The following GABBR1 variants were observed in gnomAD, a reference collection of about 807,000 sequenced individuals.
The protein encoded by GABBR1 is GABA-B receptor, R1 subunit.
GABBR1 carries 35 observed loss-of-function variants against 117.7 expected under a neutral mutation model. The observed-to-expected ratio is 0.30, with a 90% CI of 0.23 to 0.39. The LOEUF (loss-of-function observed/expected upper bound fraction) is 0.39. GABBR1 is among the 10% of genes least tolerant of loss of function. The probability of loss-of-function intolerance (pLI) is 1.00; values close to 1 mark genes in which losing one functional copy is unlikely to be tolerated. For missense variants in GABBR1, 709 were observed against 1,241.8 expected, an observed-to-expected ratio of 0.57 and a Z score of 6.45; for synonymous variants, 442 against 486.6, an observed-to-expected ratio of 0.91 and a Z score of 1.21.
rs1764847937 is a variant in GABBR1, at chr6:29,630,536, G to A, written c.397C>T (p.Pro133Ser). ...GAGCTGCCCACCAGATGGAAGTCGGGGTCACACCGGAAATCCACCCGGGCT... is the reference window on the plus strand; with the variant it reads ...GAGCTGCCCACCAGATGGAAGTCGGAGTCACACCGGAAATCCACCCGGGCT... ...DGARVDFRCDPDFHLVGSSRS... is the reference protein window; with the variant it reads ...DGARVDFRCDSDFHLVGSSRS... Residue 133 changes from proline to serine, a missense_variant, in exon 4 of 23, where the codon CCC becomes TCC. Pro to Ser is a moderately conservative substitution (Grantham distance 74, BLOSUM62 -1). This residue lies in a region of GABBR1 where 101 missense variants were observed against 132.3 expected (regional missense o/e 0.76). Transcript: ENST00000377034. This position sits in a 1 kb window ranked among gnomAD's most constrained non-coding sequence, Gnocchi z 4.9. 3 of 1,613,078 alleles carry A rather than the reference G, an allele frequency of 1.9e-6. No homozygotes were observed. The highest frequency in any genetic ancestry group is 2.5e-6 in the Non-Finnish European group (3 of 1,180,026).
At position 29,621,123 on chromosome 6, in the gene GABBR1, T is replaced by C; in HGVS notation, c.1301A>G (p.Asn434Ser). ...CACCATGTTGGAAATGCTGCGGGTA[T>C]TGGCAGGATTCAGCATGACAATCTC... Reference protein sequence around the residue: ...TTEIVMLNPANTRSISNMTSQ... With the variant: ...TTEIVMLNPASTRSISNMTSQ... Residue 434 changes from asparagine to serine, a missense_variant, in exon 11 of 23, where the codon AAT becomes AGT. Physicochemically the swap from Asn to Ser is conservative, Grantham distance 46 (BLOSUM62 1). This residue lies in a region of GABBR1 where 192 missense variants were observed against 418.4 expected (regional missense o/e 0.46). Coordinates refer to ENST00000377034, the MANE Select transcript of GABBR1 (RefSeq NM_001470.4). The surrounding 1 kb of genome is among the most constrained non-coding windows in gnomAD (Gnocchi z 5.0). 6.2e-7 allele frequency: 1 copy of C among 1,612,900 alleles called. No individual in the cohort carries two copies. Among genetic ancestry groups the C allele is most frequent in the Non-Finnish European group, 8.5e-7 (1 of 1,179,976 alleles).
rs1761857649 is a variant in GABBR1, at chr6:29,605,549, G to A, written c.2439+20C>T. ...GCTGTGGTCAGCCTACAGGGTCAAT[G>A]CCATGGGGTCAGTGCTCACTGCCAC... On this transcript the variant is annotated intron_variant, in intron 20 of 22. Transcript: ENST00000377034. This position sits in a 1 kb window ranked among gnomAD's most constrained non-coding sequence, Gnocchi z 4.2. 6.2e-7 allele frequency: 1 copy of A among 1,612,550 alleles called. No homozygotes were observed.
intron 14 of GABBR1, among the ~76,000 whole-genome samples, chr6:29,610,580 A>G (rs1762436806): frequency 6.6e-6 from 1 of 152,150 alleles, no homozygotes; most frequent in Non-Finnish European, 1.5e-5. Flanking sequence ...CTGGGCTTGA[A>G]GTAGCTGGTT....
rs748607311 is a variant in GABBR1, at chr6:29,609,463, G to A, written c.1709-84C>T. ...AATGAAGACGGGATAGGAGAAAAGGGCAAAGAACTAGATTGCTGATGGACA... is the reference window on the plus strand; with the variant it reads ...AATGAAGACGGGATAGGAGAAAAGGACAAAGAACTAGATTGCTGATGGACA... On this transcript the variant is annotated intron_variant, in intron 14 of 22. Coordinates refer to ENST00000377034, the MANE Select transcript of GABBR1 (RefSeq NM_001470.4). The surrounding 1 kb of genome is among the most constrained non-coding windows in gnomAD (Gnocchi z 4.3). 2.5e-6 allele frequency: 3 copies of A among 1,205,400 alleles called. No individual in the cohort carries two copies. The highest frequency in any genetic ancestry group is 2.6e-5 in the South Asian group (2 of 77,416). 74.7% of individuals were successfully genotyped at this position (1,205,400 alleles called of 1,614,324 possible). A position where few individuals can be genotyped will look rare whatever the true frequency, so the allele number is the denominator to read the frequency against.
Position 29,606,811 on chromosome 6 carries a change from C to A in GABBR1, c.2217+86G>T. ...GGCACTCTCTCCAAGTAGCTTCATC[C>A]CTCAAGACACACACAGCCCCAGGGC... is the stretch of plus-strand genomic sequence containing the variant. On this transcript the variant is annotated intron_variant, in intron 18 of 22. Coordinates refer to ENST00000377034, the MANE Select transcript of GABBR1 (RefSeq NM_001470.4). The surrounding 1 kb of genome is among the most constrained non-coding windows in gnomAD (Gnocchi z 4.5). The A allele has an allele frequency of 1.8e-6, 2 of 1,112,148 alleles. No individual in the cohort carries two copies. The highest frequency in any genetic ancestry group is 1.9e-5 in the Admixed American group (1 of 51,334). The allele number at this position is 1,112,148 out of a possible 1,614,324, so 68.9% of individuals were successfully genotyped here.
In GABBR1 at chr6:29,621,216, A is replaced by G; in HGVS notation, c.1208T>C (p.Ile403Thr). The change falls in exon 11 of 23, where the codon ATC becomes ACC. Residue 403 changes from isoleucine (I) to threonine (T), a missense_variant. Transcript: ENST00000377034. The surrounding 1 kb of genome is among the most constrained non-coding windows in gnomAD (Gnocchi z 5.0). ...IGWYADNWFK[I>T]YDPSINCTVD... Reference sequence around the variant, plus strand: ...TGTGCAGTTGATAGAAGGGTCGTAGATCTTGAACCAATTGTCAGCATACCA... The same window carrying G: ...TGTGCAGTTGATAGAAGGGTCGTAGGTCTTGAACCAATTGTCAGCATACCA... The G allele has an allele frequency of 6.2e-7, 1 of 1,613,054 alleles. No individual in the cohort carries two copies. The highest frequency in any genetic ancestry group is 1.3e-5 in the African/African-American group (1 of 75,042).
Position 29,623,067 on chromosome 6 carries a change from G to A in GABBR1, c.963+238C>T, listed in dbSNP as rs1190734471. 6.6e-6 allele frequency among the ~76,000 whole-genome samples: 1 copy of A among 152,008 alleles called. No homozygotes were observed. The highest frequency in any genetic ancestry group is 6.6e-5 in the Admixed American group (1 of 15,262). ...GAGTCATTCTGGGTCTATATGTCTG[G>A]GGAACAGGGCATCAAACAGGGGAAA... On this transcript the variant is annotated intron_variant, in intron 8 of 22. Coordinates refer to ENST00000377034, the MANE Select transcript of GABBR1 (RefSeq NM_001470.4). The surrounding 1 kb of genome is among the most constrained non-coding windows in gnomAD (Gnocchi z 6.2).
Position 29,611,084 on chromosome 6 carries a change from G to A in GABBR1, c.1631-83C>T. ...ATTTTCAACTTCCCACTTCCCTAGA[G>A]CTTTGCATGGTTGTATCTGATTTTA... is the stretch of plus-strand genomic sequence containing the variant. On this transcript the variant is annotated intron_variant, in intron 13 of 22. Coordinates refer to ENST00000377034, the MANE Select transcript of GABBR1 (RefSeq NM_001470.4). The surrounding 1 kb of genome is among the most constrained non-coding windows in gnomAD (Gnocchi z 4.6). 1.2e-5 allele frequency: 13 copies of A among 1,064,770 alleles called. No homozygotes were observed. Among genetic ancestry groups the A allele is most frequent in the Non-Finnish European group, 1.9e-5 (13 of 688,128 alleles). 66.0% of individuals were successfully genotyped at this position (1,064,770 alleles called of 1,614,324 possible).
rs1764945348 is a variant in GABBR1, at chr6:29,631,383, C to T, written c.289+13G>A. On this transcript the variant is annotated intron_variant, in intron 3 of 22. Transcript: ENST00000377034. This position sits in a 1 kb window ranked among gnomAD's most constrained non-coding sequence, Gnocchi z 5.9. Reference sequence around the variant, plus strand: ...TAGTCTTGAAGAGGGGAGGGGCTTCCGAGGCTACTCACCACAGCGGCTGGG... The same window carrying T: ...TAGTCTTGAAGAGGGGAGGGGCTTCTGAGGCTACTCACCACAGCGGCTGGG... The T allele has an allele frequency of 1.2e-6, 2 of 1,612,910 alleles. No individual in the cohort carries two copies. The highest frequency in any genetic ancestry group is 1.7e-6 in the Non-Finnish European group (2 of 1,179,260).
At position 29,630,438 on chromosome 6, in the gene GABBR1, C is replaced by A; in HGVS notation, c.475+20G>T. Reference sequence around the variant, plus strand: ...CACAAGCGTCCTCATCAGCTGCATGCAGGCAGCTGTTCCCCTCACCCTGGC... The same window carrying A: ...CACAAGCGTCCTCATCAGCTGCATGAAGGCAGCTGTTCCCCTCACCCTGGC... On this transcript the variant is annotated intron_variant, in intron 4 of 22. Transcript: ENST00000377034. This position sits in a 1 kb window ranked among gnomAD's most constrained non-coding sequence, Gnocchi z 4.9. 1 of 1,601,686 alleles carries A rather than the reference C, an allele frequency of 6.2e-7. No individual in the cohort carries two copies. The highest frequency in any genetic ancestry group is 8.5e-7 in the Non-Finnish European group (1 of 1,170,690).
Position 29,602,721 on chromosome 6 carries a change from A to G in GABBR1, c.*822T>C, listed in dbSNP as rs1213725645. On this transcript the variant is annotated 3_prime_UTR_variant, in exon 23 of 23. Coordinates refer to ENST00000377034, the MANE Select transcript of GABBR1 (RefSeq NM_001470.4). The stretch of plus-strand genomic sequence containing the variant: ...GGGTACACAGGGAAAGTACATGGAT[A>G]AACATGGACGTGTGCAAATAGGAAA... 11 of 336,410 alleles carry G rather than the reference A, an allele frequency of 3.3e-5. No homozygotes were observed. The highest frequency in any genetic ancestry group is 5.2e-5 in the Non-Finnish European group (9 of 173,092). 20.8% of individuals were successfully genotyped at this position (336,410 alleles called of 1,614,324 possible). A position where few individuals can be genotyped will look rare whatever the true frequency, so the allele number is the denominator to read the frequency against.
Position 29,630,181 on chromosome 6 carries a change from T to C in GABBR1, c.475+277A>G. 2.5e-6 allele frequency: 1 copy of C among 406,136 alleles called. No homozygotes were observed. The highest frequency in any genetic ancestry group is 4.4e-6 in the Non-Finnish European group (1 of 227,704). 25.2% of individuals were successfully genotyped at this position (406,136 alleles called of 1,614,324 possible). On this transcript the variant is annotated intron_variant, in intron 4 of 22. Coordinates refer to ENST00000377034, the MANE Select transcript of GABBR1 (RefSeq NM_001470.4). This position sits in a 1 kb window ranked among gnomAD's most constrained non-coding sequence, Gnocchi z 4.9. ...AAGAAGGTGAGAGAGGTGAGATTCATAAAGGAAAAGAGAAAACGTGAGGTC... is the reference window on the plus strand; with the variant it reads ...AAGAAGGTGAGAGAGGTGAGATTCACAAAGGAAAAGAGAAAACGTGAGGTC...
In GABBR1 at chr6:29,607,280, G is replaced by T; in HGVS notation, c.1993-62C>A. Reference sequence around the variant, plus strand: ...GAGTAGTAGCCGGGACTGCAGTAAGGATGGGCAGAACCCTAAGGGAGAGTG... The same window carrying T: ...GAGTAGTAGCCGGGACTGCAGTAAGTATGGGCAGAACCCTAAGGGAGAGTG... On this transcript the variant is annotated intron_variant, in intron 16 of 22. Coordinates refer to ENST00000377034, the MANE Select transcript of GABBR1 (RefSeq NM_001470.4). This position sits in a 1 kb window ranked among gnomAD's most constrained non-coding sequence, Gnocchi z 5.0. 7.5e-7 allele frequency: 1 copy of T among 1,328,582 alleles called. No individual in the cohort carries two copies. Among genetic ancestry groups the T allele is most frequent in the Non-Finnish European group, 1.1e-6 (1 of 925,064 alleles). 82.3% of individuals were successfully genotyped at this position (1,328,582 alleles called of 1,614,324 possible). A position where few individuals can be genotyped will look rare whatever the true frequency, so the allele number is the denominator to read the frequency against.
chr6:29,605,959 G>C lies in GABBR1; in HGVS notation c.2312-263C>G. 1 of 566,462 alleles carries C rather than the reference G, an allele frequency of 1.8e-6. No homozygotes were observed. The highest frequency in any genetic ancestry group is 2.9e-5 in the East Asian group (1 of 34,212). 35.1% of individuals were successfully genotyped at this position (566,462 alleles called of 1,614,324 possible). A position where few individuals can be genotyped will look rare whatever the true frequency, so the allele number is the denominator to read the frequency against. On this transcript the variant is annotated intron_variant, in intron 19 of 22. Coordinates refer to ENST00000377034, the MANE Select transcript of GABBR1 (RefSeq NM_001470.4). The surrounding 1 kb of genome is among the most constrained non-coding windows in gnomAD (Gnocchi z 4.2). ...GCTGTCAGTCAGGCAAGGGCTTGTT[G>C]AATATCTAGAAATAGGCCAGTCTGG...
At position 29,606,386 on chromosome 6, in the gene GABBR1, C is replaced by T; in HGVS notation, c.2311+5G>A. ...CCTGCCCTCCTTTGCCCACATCCCA[C>T]ACACCAAGCCATGTATTCATCTTCC... On this transcript the variant is annotated splice_donor_5th_base_variant and intron_variant, in intron 19 of 22. Coordinates refer to ENST00000377034, the MANE Select transcript of GABBR1 (RefSeq NM_001470.4). This position sits in a 1 kb window ranked among gnomAD's most constrained non-coding sequence, Gnocchi z 4.5. 1 of 1,609,096 alleles carries T rather than the reference C, an allele frequency of 6.2e-7. No individual in the cohort carries two copies. Among genetic ancestry groups the T allele is most frequent in the Non-Finnish European group, 8.5e-7 (1 of 1,176,240 alleles).
In GABBR1 at chr6:29,627,878, G is replaced by A. The variant is rs1764487403; in HGVS notation, c.497-232C>T. ...GGGGAGGGCTGCTAAGAGGGTGCCGGGGAGGCGCCTCCATCCCTGATTTTG... is the reference window on the plus strand; with the variant it reads ...GGGGAGGGCTGCTAAGAGGGTGCCGAGGAGGCGCCTCCATCCCTGATTTTG... On this transcript the variant is annotated intron_variant, in intron 5 of 22. Coordinates refer to ENST00000377034, the MANE Select transcript of GABBR1 (RefSeq NM_001470.4). The surrounding 1 kb of genome is among the most constrained non-coding windows in gnomAD (Gnocchi z 4.4). 1.5e-6 allele frequency: 2 copies of A among 1,366,702 alleles called. No homozygotes were observed. 84.7% of individuals were successfully genotyped at this position (1,366,702 alleles called of 1,614,324 possible). A position where few individuals can be genotyped will look rare whatever the true frequency, so the allele number is the denominator to read the frequency against.
Position 29,620,970 on chromosome 6 carries a change from G to A in GABBR1, c.1323+131C>T. The A allele has an allele frequency of 2.9e-6, 2 of 681,742 alleles. No individual in the cohort carries two copies. The highest frequency in any genetic ancestry group is 4.9e-6 in the Non-Finnish European group (2 of 410,634). 42.2% of individuals were successfully genotyped at this position (681,742 alleles called of 1,614,324 possible). A position where few individuals can be genotyped will look rare whatever the true frequency, so the allele number is the denominator to read the frequency against. ...GGAAACATAATGCAGACAAGTTCAG[G>A]GTGGGCACAGCCCCCTCTTCTCCTT... On this transcript the variant is annotated intron_variant, in intron 11 of 22. Coordinates refer to ENST00000377034, the MANE Select transcript of GABBR1 (RefSeq NM_001470.4). The surrounding 1 kb of genome is among the most constrained non-coding windows in gnomAD (Gnocchi z 4.5).
chr6:29,612,751 A>G (rs1762685349), intron 12 of GABBR1, 137 bp from the exon 13 acceptor site: 1 of 759,630 alleles, frequency 1.3e-6, no homozygotes, highest in Non-Finnish European at 2.3e-6. Context: ...ATTTGCCTGC[A>G]TATAGGACAT....
Position 29,605,687 on chromosome 6 carries a change from T to A in GABBR1, c.2321A>T (p.Tyr774Phe). 1 of 1,612,642 alleles carries A rather than the reference T, an allele frequency of 6.2e-7. No individual in the cohort carries two copies. The highest frequency in any genetic ancestry group is 8.5e-7 in the Non-Finnish European group (1 of 1,179,978). ...CAGCAGCAGCAGCCCCTTGTAACCA[T>A]AGAAAATGCCTAGGATGGCAGGAGA... is the stretch of plus-strand genomic sequence containing the variant. ...RKMNTWLGIF[Y>F]GYKGLLLLLG... The change falls in exon 20 of 23, where the codon TAT (tyrosine) becomes TTT (phenylalanine). Residue 774 changes from tyrosine (Y) to phenylalanine (F), a missense_variant. By Grantham distance (22) the Tyr-to-Phe change is conservative. Around this residue, in one of 9 missense-constraint regions of GABBR1, gnomAD observed 251 missense variants for 445.3 expected, o/e 0.56. Coordinates refer to ENST00000377034, the MANE Select transcript of GABBR1 (RefSeq NM_001470.4). This position sits in a 1 kb window ranked among gnomAD's most constrained non-coding sequence, Gnocchi z 4.2.
Sources: allele counts gnomAD v4.1 joint callset (sites outside exome capture counted in the v4.1 genomes callset), GRCh38; gene constraint gnomAD v4.1.1; regional missense constraint gnomAD v4.1.1; non-coding constraint Gnocchi (gnomAD v3.1); transcripts MANE v1.5; gene names NCBI Gene and HGNC (gene_info 2026-07-23, HGNC 2026-07-21).